Variants in CCDC80 observed in about 807,000 individuals in gnomAD.
CCDC80 encodes the protein coiled-coil domain containing 80.
In CCDC80, 49 loss-of-function variants were observed where a neutral mutation model predicts 78.7. The ratio of observed to expected loss-of-function variants is 0.62; its 90% confidence interval spans 0.50 to 0.79. The LOEUF is 0.79. CCDC80 is among the 30% of genes least tolerant of loss of function. The probability of loss-of-function intolerance (pLI) is 0.00; values close to 1 mark genes in which losing one functional copy is unlikely to be tolerated. For missense variants in CCDC80, 1,205 were observed against 1,198.6 expected (o/e 1.01, Z -0.08); for synonymous variants, 488 against 447.0 (o/e 1.09, Z -1.16).
chr3:112,619,278 A>G (rs1484736162), intron 3 of CCDC80, among the ~76,000 whole-genome samples, 174 bp from the exon 4 acceptor site: 1 of 152,338 alleles, frequency 6.6e-6, no homozygotes, highest in East Asian at 1.9e-4. Flanking sequence ...ATAGAAATAA[A>G]CACATGAATA....
chr3:112,607,282 AT>A, intron 6 of CCDC80, 26 bp from the exon 7 acceptor site: 1 of 1,566,752 alleles, frequency 6.4e-7, no homozygotes, highest in Non-Finnish European at 8.7e-7. Flanking sequence ...AAACCATAGG[AT>A]TAGAGGAAAG....
chr3:112,612,865 A>ATTT (rs5851854), intron 5 of CCDC80, among the ~76,000 whole-genome samples: 11 of 129,772 alleles, frequency 8.5e-5, no homozygotes, highest in South Asian at 2.5e-4. Flanking sequence ...CAGGACTGTA[A>ATTT]TTTTTTTTTT....
chr3:112,618,070 G>A (rs1032709438), intron 4 of CCDC80, among the ~76,000 whole-genome samples: 31 of 152,196 alleles, frequency 2.0e-4, no homozygotes, highest in African/African-American at 7.5e-4. Context: ...TATCTTAGAC[G>A]TGTGAGACTA....
intron 3 of CCDC80, among the ~76,000 whole-genome samples, chr3:112,623,121 T>C (rs553794594): frequency 1.8e-4 from 28 of 152,334 alleles, no homozygotes; most frequent in African/African-American, 6.5e-4. Context: ...GTGAACTCTG[T>C]TATGTGCTGA....
At chr3:112,634,405 G>A (rs1035219883) in intron 2 of CCDC80, among the ~76,000 whole-genome samples, 10 of 152,108 alleles carry the variant, frequency 6.6e-5, no homozygotes, top group African/African-American at 2.2e-4. Context: ...ATCTCAGAGC[G>A]CAGAATGATG....
At chr3:112,614,770 C>T (rs533282605) in intron 5 of CCDC80, among the ~76,000 whole-genome samples, 2 of 152,262 alleles carry the variant, frequency 1.3e-5, no homozygotes, top group East Asian at 3.9e-4. Context: ...TAATAATTCA[C>T]ATTTTCTAAA....
chr3:112,631,440 T>A (rs1936097174), intron 2 of CCDC80, among the ~76,000 whole-genome samples: 1 of 152,194 alleles, frequency 6.6e-6, no homozygotes, highest in African/African-American at 2.4e-5. Flanking sequence ...TTGCCCTTTG[T>A]TGCATCATCA....
intron 7 of CCDC80, among the ~76,000 whole-genome samples, chr3:112,606,001 T>C (rs1422317018): frequency 6.6e-6 from 1 of 152,248 alleles, no homozygotes; most frequent in South Asian, 2.1e-4. Context: ...TTTGTAGGAA[T>C]GTTACAAAGT....
Position 112,639,891 on chromosome 3 carries a change from C to T in CCDC80, c.15G>A (p.Met5Ile), listed in dbSNP as rs1936308747. Residue 5 changes from methionine (M) to isoleucine (I), a missense_variant, in exon 2 of 8, where the codon ATG (methionine) becomes ATA (isoleucine). Met to Ile is a conservative substitution (Grantham distance 10). Coordinates refer to ENST00000206423, the MANE Select transcript of CCDC80 (RefSeq NM_199511.3). The part of the protein sequence containing the change: MTWR[M>I]GPRFTMLLAM... ...CCAACAGCATAGTGAAACGGGGTCC[C>T]ATTCTCCATGTCATTGTGTAATCCA... 1 of 1,613,790 alleles carries T rather than the reference C, an allele frequency of 6.2e-7. No homozygotes were observed. Among genetic ancestry groups the T allele is most frequent in the African/African-American group, 1.3e-5 (1 of 74,900 alleles).
chr3:112,626,443 CTG>C (rs1935975966), intron 3 of CCDC80, among the ~76,000 whole-genome samples: 1 of 151,992 alleles, frequency 6.6e-6, no homozygotes, highest in South Asian at 2.1e-4. Flanking sequence ...ATCCTGATGA[CTG>C]AGGTTTCTCT....
At chr3:112,623,659 G>A (rs1258689451) in intron 3 of CCDC80, among the ~76,000 whole-genome samples, 2 of 152,076 alleles carry the variant, frequency 1.3e-5, no homozygotes, top group Non-Finnish European at 2.9e-5. Context: ...AAAACAAAGA[G>A]CTACTGTCCC....
chr3:112,614,513 C>T (rs1025577950), intron 5 of CCDC80, among the ~76,000 whole-genome samples: 1 of 151,840 alleles, frequency 6.6e-6, no homozygotes, highest in Non-Finnish European at 1.5e-5. Context: ...TTAATACCCC[C>T]GAGACCAGAC....
At chr3:112,614,878 C>T (rs1306162046) in intron 5 of CCDC80, among the ~76,000 whole-genome samples, 2 of 152,208 alleles carry the variant, frequency 1.3e-5, no homozygotes, top group African/African-American at 2.4e-5. Context: ...GTTACTTAAT[C>T]TCCATTGGCT....
rs780579751 is a variant in CCDC80 at position 112,638,802 on chromosome 3, C to G, written c.1104G>C (p.Ala368=). 4.3e-6 allele frequency: 7 copies of G among 1,613,718 alleles called. No individual in the cohort carries two copies. The highest frequency in any genetic ancestry group is 5.9e-6 in the Non-Finnish European group (7 of 1,179,968). The part of the protein sequence containing the change: ...ATTVTRSTSR[A]VTVAARPMTT... ...TCATAGGTCTTGCAGCAACTGTTAC[C>G]GCCCGGGACGTGGACCGAGTCACTG... Residue 368 remains alanine (A), a synonymous_variant, in exon 2 of 8, where the codon GCG becomes GCC. Coordinates refer to ENST00000206423, the MANE Select transcript of CCDC80 (RefSeq NM_199511.3).
Position 112,639,806 on chromosome 3 carries a change from C to T in CCDC80, c.100G>A (p.Gly34Arg), listed in dbSNP as rs1445116241. The T allele has an allele frequency of 8.1e-6, 13 of 1,614,180 alleles. No homozygotes were observed. The highest frequency in any genetic ancestry group is 9.3e-6 in the Non-Finnish European group (11 of 1,180,030). ...GAAACCAAAGGCACTTTCCGTCCTCCGTGGCTGCCTCTAATAGTGGCATGG... is the reference window on the plus strand; with the variant it reads ...GAAACCAAAGGCACTTTCCGTCCTCTGTGGCTGCCTCTAATAGTGGCATGG... Reference protein sequence around the residue: ...HPHATIRGSHGGRKVPLVSPD... With the variant: ...HPHATIRGSHRGRKVPLVSPD... The change falls in exon 2 of 8, where the codon GGA (glycine) becomes AGA (arginine). Residue 34 changes from glycine (G) to arginine (R), a missense_variant. Coordinates refer to ENST00000206423, the MANE Select transcript of CCDC80 (RefSeq NM_199511.3).
At chr3:112,612,844 T>G (rs1027894447) in intron 5 of CCDC80, among the ~76,000 whole-genome samples, 5 of 151,330 alleles carry the variant, frequency 3.3e-5, no homozygotes, top group Non-Finnish European at 7.4e-5. Flanking sequence ...ATTTGGATAC[T>G]GGTTTAATTA....
intron 5 of CCDC80, among the ~76,000 whole-genome samples, chr3:112,611,925 G>A (rs1446949718): frequency 2.0e-5 from 3 of 152,090 alleles, no homozygotes; most frequent in Non-Finnish European, 2.9e-5. Context: ...TGAGGGAATA[G>A]TGGTTTGGGT....
chr3:112,633,164 T>C (rs1936132124), intron 2 of CCDC80, among the ~76,000 whole-genome samples: 1 of 152,158 alleles, frequency 6.6e-6, no homozygotes, highest in Non-Finnish European at 1.5e-5. Context: ...CTTTATAAGA[T>C]CATAACATGA....
chr3:112,623,330 G>C (rs1010174274), intron 3 of CCDC80, among the ~76,000 whole-genome samples: 5 of 152,158 alleles, frequency 3.3e-5, no homozygotes, highest in Admixed American at 2.0e-4. Context: ...TGTGTGCTAG[G>C]CATTACGCTT....
Sources: allele counts gnomAD v4.1 joint callset (sites outside exome capture counted in the v4.1 genomes callset), GRCh38; gene constraint gnomAD v4.1.1; transcripts MANE v1.5; gene names NCBI Gene and HGNC (gene_info 2026-07-23, HGNC 2026-07-21).